Variants in OXR1 observed in about 807,000 individuals in gnomAD.
The protein encoded by OXR1 is oxidation resistance protein 1.
OXR1 carries 41 observed loss-of-function variants against 104.6 expected under a neutral mutation model. That is an observed-to-expected ratio of 0.39 (90% CI 0.31 to 0.51). The LOEUF is 0.51. Ranked by LOEUF, OXR1 falls within the 20% of genes least tolerant of loss-of-function variation. The probability of loss-of-function intolerance (pLI) is 0.77; values close to 1 mark genes in which losing one functional copy is unlikely to be tolerated. For synonymous variants in OXR1, 348 were observed against 348.4 expected, an observed-to-expected ratio of 1.00 and a Z score of 0.01; for missense variants, 955 against 1,031.9, an observed-to-expected ratio of 0.93 and a Z score of 1.02.
intron 2 of OXR1, among the ~76,000 whole-genome samples, chr8:106,415,026 A>G (rs988113659): frequency 1.3e-5 from 2 of 152,140 alleles, no homozygotes; most frequent in Non-Finnish European, 2.9e-5. Context: ...TGATGGCCTG[A>G]ATTTAATCTG....
intron 3 of OXR1, among the ~76,000 whole-genome samples, chr8:106,673,128 G>T (rs906119970): frequency 1.3e-5 from 2 of 152,202 alleles, no homozygotes; most frequent in African/African-American, 4.8e-5. Flanking sequence ...AAGACAGGAA[G>T]ATGTGGGAAA....
At chr8:106,491,104 A>T (rs536933479) in intron 2 of OXR1, among the ~76,000 whole-genome samples, 1 of 152,156 alleles carries the variant, frequency 6.6e-6, no homozygotes, top group Non-Finnish European at 1.5e-5. Context: ...TCCGCTCAAT[A>T]TGCAGGCATC....
intron 1 of OXR1, among the ~76,000 whole-genome samples, chr8:106,343,589 A>G (rs902955653): frequency 1.3e-5 from 2 of 152,226 alleles, no homozygotes; most frequent in Non-Finnish European, 2.9e-5. Context: ...ATTCATAATT[A>G]TCTCATTGCA....
intron 3 of OXR1, among the ~76,000 whole-genome samples, chr8:106,539,416 T>C (rs1563590954): frequency 6.6e-6 from 1 of 152,246 alleles, no homozygotes; most frequent in South Asian, 2.1e-4. Context: ...TGTGTGTCTG[T>C]GTTCTTCAGT....
At position 106,750,793 on chromosome 8, in the gene OXR1, T is replaced by A. The variant is rs1835838766; in HGVS notation, c.2487-13T>A. ...GGCATAAATATTAACAGATTATTAT[T>A]TATGTATTGCAGAGGAGAATTTGCG... On this transcript the variant is annotated splice_polypyrimidine_tract_variant and intron_variant, in intron 16 of 16. Transcript: ENST00000517566. 2 of 1,559,004 alleles carry A rather than the reference T, an allele frequency of 1.3e-6. No individual in the cohort carries two copies. The highest frequency in any genetic ancestry group is 1.7e-6 in the Non-Finnish European group (2 of 1,149,686).
At chr8:106,678,465 C>G (rs1827819392) in intron 3 of OXR1, among the ~76,000 whole-genome samples, 1 of 151,712 alleles carries the variant, frequency 6.6e-6, no homozygotes, top group South Asian at 2.1e-4. Context: ...TTTTAGATTT[C>G]ATTTTAATAA....
At chr8:106,447,974 C>G (rs1820089186) in intron 2 of OXR1, 1 of 1,534,914 alleles carries the variant, frequency 6.5e-7, no homozygotes, top group Admixed American at 2.0e-5. Flanking sequence ...TGATCAGATC[C>G]GCCCCGGCTC....
At chr8:106,432,644 G>GT (rs10598844) in intron 2 of OXR1, among the ~76,000 whole-genome samples, 14 of 150,274 alleles carry the variant, frequency 9.3e-5, no homozygotes, top group East Asian at 2.0e-4. Context: ...CCATACCAAG[G>GT]TTTTTTTTTT....
At chr8:106,553,819 C>T (rs144601819) in intron 3 of OXR1, among the ~76,000 whole-genome samples, 36 of 152,258 alleles carry the variant, frequency 2.4e-4, no homozygotes, top group African/African-American at 7.9e-4. Context: ...ATAGTGCCTC[C>T]GCATTGGATA....
intron 3 of OXR1, among the ~76,000 whole-genome samples, chr8:106,633,709 G>A (rs1822900069): frequency 6.6e-6 from 1 of 152,172 alleles, no homozygotes; most frequent in Admixed American, 6.5e-5. Flanking sequence ...TCGTCATGGT[G>A]TCAACTTATA....
At chr8:106,432,480 C>T (rs1474433714) in intron 2 of OXR1, among the ~76,000 whole-genome samples, 1 of 152,172 alleles carries the variant, frequency 6.6e-6, no homozygotes, top group African/African-American at 2.4e-5. Context: ...TCCTCTGGGC[C>T]TTTGCGTTTG....
chr8:106,410,865 A>G (rs1428591300), intron 2 of OXR1, among the ~76,000 whole-genome samples: 1 of 152,132 alleles, frequency 6.6e-6, no homozygotes, highest in Non-Finnish European at 1.5e-5. Context: ...TTTCTGTTGC[A>G]TCTATGGTTT....
chr8:106,392,001 C>T (rs1424082471), intron 2 of OXR1, among the ~76,000 whole-genome samples: 1 of 152,126 alleles, frequency 6.6e-6, no homozygotes, highest in Non-Finnish European at 1.5e-5. Context: ...TAATTCCTTG[C>T]TCAAAGCATG....
At chr8:106,681,510 C>G (rs1391712482) in intron 4 of OXR1, among the ~76,000 whole-genome samples, 3 of 152,024 alleles carry the variant, frequency 2.0e-5, no homozygotes, top group Non-Finnish European at 4.4e-5. Flanking sequence ...TTCTAAATGC[C>G]TCTTTTTTTA....
At chr8:106,365,150 T>C (rs1334925702) in intron 2 of OXR1, among the ~76,000 whole-genome samples, 3 of 152,254 alleles carry the variant, frequency 2.0e-5, no homozygotes, top group East Asian at 1.9e-4. Context: ...AAAGGTTAGA[T>C]ATGAATATAA....
intron 2 of OXR1, among the ~76,000 whole-genome samples, chr8:106,477,098 TCTC>T (rs1398043057): frequency 1.8e-4 from 27 of 152,056 alleles, no homozygotes; most frequent in African/African-American, 6.5e-4. Flanking sequence ...CAATTAAACT[TCTC>T]CTTGTAATGT....
intron 2 of OXR1, among the ~76,000 whole-genome samples, chr8:106,382,169 A>G (rs955841083): frequency 1.3e-5 from 2 of 152,188 alleles, no homozygotes; most frequent in African/African-American, 4.8e-5. Context: ...GTCCTTGGTC[A>G]AGTCACATTC....
chr8:106,307,078 ATT>A (rs1361639726), intron 1 of OXR1, among the ~76,000 whole-genome samples: 1 of 152,202 alleles, frequency 6.6e-6, no homozygotes, highest in Non-Finnish European at 1.5e-5. Context: ...ATTATCAACA[ATT>A]GGGAAAAGAA....
At chr8:106,502,208 T>G (rs1382220126) in intron 2 of OXR1, among the ~76,000 whole-genome samples, 1 of 152,190 alleles carries the variant, frequency 6.6e-6, no homozygotes, top group Non-Finnish European at 1.5e-5. Context: ...GGCTTCACAC[T>G]TGGTTTAATG....
Sources: gnomAD v4.1 joint callset for allele counts (sites outside exome capture counted in the v4.1 genomes callset) on GRCh38, gnomAD v4.1.1 for gene constraint, MANE v1.5 for transcripts, NCBI Gene and HGNC (gene_info 2026-07-23, HGNC 2026-07-21) for gene names.